The following DYNC1H1 variants were observed in gnomAD, a reference collection of about 807,000 sequenced individuals.
DYNC1H1 encodes the protein cytoplasmic dynein 1 heavy chain 1.
In DYNC1H1, 51 loss-of-function variants were observed where a neutral mutation model predicts 527.1. That is an observed-to-expected ratio of 0.10 (90% CI 0.08 to 0.12). The LOEUF (loss-of-function observed/expected upper bound fraction) is 0.12, where lower values mean the gene tolerates loss of function less well. DYNC1H1 is among the 10% of genes least tolerant of loss of function. DYNC1H1 has a pLI of 1.00. For missense variants in DYNC1H1, 2,771 were observed against 5,971.8 expected, an observed-to-expected ratio of 0.46 and a Z score of 17.66; for synonymous variants, 2,189 against 2,278.8, an observed-to-expected ratio of 0.96 and a Z score of 1.12.
intron 52 of DYNC1H1, 176 bp from the exon 53 acceptor site, chr14:102,032,889 T>G (rs2048526332): frequency 1.5e-6 from 1 of 670,672 alleles, no homozygotes; most frequent in Non-Finnish European, 2.6e-6. Context: ...GTTCAAGTGT[T>G]GAGCACATTT....
chr14:102,044,767 G>T lies in DYNC1H1; in HGVS notation c.13006+69G>T. On this transcript the variant is annotated intron_variant, in intron 72 of 77. Coordinates refer to ENST00000360184, the MANE Select transcript of DYNC1H1 (RefSeq NM_001376.5). The surrounding 1 kb of genome is among the most constrained non-coding windows in gnomAD (Gnocchi z 7.1). ...GGTCCCCTCACGCGGGGTGGGTGGC[G>T]AGGGTCCCCACACGCAGGGTGAGTG... 1.4e-6 allele frequency: 2 copies of T among 1,431,362 alleles called. No homozygotes were observed. Among genetic ancestry groups the T allele is most frequent in the Admixed American group, 3.5e-5 (2 of 56,446 alleles). The allele number at this position is 1,431,362 out of a possible 1,614,324, so 88.7% of individuals were successfully genotyped here.
chr14:102,029,171 C>T lies in DYNC1H1; in HGVS notation c.9469-368C>T. 3.1e-6 allele frequency: 1 copy of T among 318,214 alleles called. No individual in the cohort carries two copies. The highest frequency in any genetic ancestry group is 6.1e-6 in the Non-Finnish European group (1 of 164,854). 19.7% of individuals were successfully genotyped at this position (318,214 alleles called of 1,614,324 possible). ...TGCTTCAGAAATCAAGGGACCAGAG[C>T]AGTTTCTCACATCAGGCCTGCCTTG... is the stretch of plus-strand genomic sequence containing the variant. On this transcript the variant is annotated intron_variant, in intron 48 of 77. Transcript: ENST00000360184. This position sits in a 1 kb window ranked among gnomAD's most constrained non-coding sequence, Gnocchi z 5.3.
chr14:102,016,888 C>T lies in DYNC1H1; in HGVS notation c.7737C>T (p.Ala2579=), dbSNP rs140096332. The change falls in exon 38 of 78, where the codon GCC becomes GCT. Residue 2579 remains alanine (A), a synonymous_variant. Transcript: ENST00000360184. This position sits in a 1 kb window ranked among gnomAD's most constrained non-coding sequence, Gnocchi z 7.3. ...CGCTGGACACAGTCCGCCACGAAGC[C>T]CTCTTGTACACTTGGCTGGCCGAAC... ...VPTLDTVRHE[A]LLYTWLAEHK... 10 of 1,614,228 alleles carry T rather than the reference C, an allele frequency of 6.2e-6. No individual in the cohort carries two copies. The highest frequency in any genetic ancestry group is 8.5e-6 in the Non-Finnish European group (10 of 1,180,046).
rs1372812759 is a variant in DYNC1H1, at chr14:102,011,286, A to G, written c.6618+334A>G. The G allele has an allele frequency of 2.5e-6, 1 of 396,940 alleles. No individual in the cohort carries two copies. Among genetic ancestry groups the G allele is most frequent in the African/African-American group, 2.1e-5 (1 of 48,446 alleles). 24.6% of individuals were successfully genotyped at this position (396,940 alleles called of 1,614,324 possible). A position where few individuals can be genotyped will look rare whatever the true frequency, so the allele number is the denominator to read the frequency against. On this transcript the variant is annotated intron_variant, in intron 32 of 77. Coordinates refer to ENST00000360184, the MANE Select transcript of DYNC1H1 (RefSeq NM_001376.5). The surrounding 1 kb of genome is among the most constrained non-coding windows in gnomAD (Gnocchi z 5.3). ...AGATGAACAACCTGAATCGCTGATC[A>G]ATACGTAGTTTACATTCTGTATTGG... is the stretch of plus-strand genomic sequence containing the variant.
intron 28 of DYNC1H1, among the ~76,000 whole-genome samples, chr14:102,007,664 CA>C (rs1473756556): frequency 6.6e-6 from 1 of 152,082 alleles, no homozygotes; most frequent in African/African-American, 2.4e-5. Flanking sequence ...ATGTGCATTT[CA>C]AAAAGATGTG....
chr14:102,009,805 T>A, intron 29 of DYNC1H1, 38 bp from the exon 30 acceptor site: 1 of 1,613,118 alleles, frequency 6.2e-7, no homozygotes, highest in Non-Finnish European at 8.5e-7. Context: ...TTTTTTTTTT[T>A]AACATTTCTA....
rs2047935608 is a variant in DYNC1H1, at chr14:101,986,256, G to T, written c.2031G>T (p.Val677=). 1 of 1,614,034 alleles carries T rather than the reference G, an allele frequency of 6.2e-7. No individual in the cohort carries two copies. Among genetic ancestry groups the T allele is most frequent in the Non-Finnish European group, 8.5e-7 (1 of 1,179,954 alleles). Reference sequence around the variant, plus strand: ...TTGGCAAGGGCTGGGAGAATCACGTGGAGGGGCAGAAGCTGAAGCAGGATG... The same window carrying T: ...TTGGCAAGGGCTGGGAGAATCACGTTGAGGGGCAGAAGCTGAAGCAGGATG... ...DVLGKGWENH[V]EGQKLKQDGD... Residue 677 remains valine (V), a synonymous_variant, in exon 8 of 78, where the codon GTG becomes GTT. Transcript: ENST00000360184. This position sits in a 1 kb window ranked among gnomAD's most constrained non-coding sequence, Gnocchi z 8.7.
chr14:101,994,420 C>T, intron 12 of DYNC1H1, 96 bp downstream of exon 12: 3 of 1,562,034 alleles, frequency 1.9e-6, no homozygotes, highest in Non-Finnish European at 1.8e-6. Flanking sequence ...AAGGTCTTGA[C>T]TGTATGTATG....
rs772150327 is a variant in DYNC1H1, at chr14:102,048,539, G to T, written c.13242G>T (p.Glu4414Asp). ...NIKDPLFRFF[E>D]REVKMGAKLL... ...AGGATCCTTTGTTCAGGTTCTTTGA[G>T]AGAGAAGTGAAGATGGGCGCAAAGC... Residue 4414 changes from glutamate (E) to aspartate (D), a missense_variant, in exon 74 of 78, where the codon GAG (glutamate) becomes GAT (aspartate). Around this residue, in one of 32 missense-constraint regions of DYNC1H1, gnomAD observed 170 missense variants for 249.8 expected, o/e 0.68. Coordinates refer to ENST00000360184, the MANE Select transcript of DYNC1H1 (RefSeq NM_001376.5). 6.2e-7 allele frequency: 1 copy of T among 1,614,234 alleles called. No individual in the cohort carries two copies. Among genetic ancestry groups the T allele is most frequent in the Non-Finnish European group, 8.5e-7 (1 of 1,180,048 alleles).
intron 43 of DYNC1H1, among the ~76,000 whole-genome samples, chr14:102,026,010 G>A (rs1458679044): frequency 6.6e-6 from 1 of 151,766 alleles, no homozygotes; most frequent in Non-Finnish European, 1.5e-5. Context: ...AGCTACTTGG[G>A]AGGCTGAGGC....
chr14:101,993,677 C>T (rs2048024127), intron 11 of DYNC1H1, among the ~76,000 whole-genome samples: 1 of 152,210 alleles, frequency 6.6e-6, no homozygotes, highest in Non-Finnish European at 1.5e-5. Flanking sequence ...CTCCCCTTCT[C>T]AGCAAGGCCT....
In DYNC1H1 at chr14:102,041,175, G is replaced by T; in HGVS notation, c.11942-399G>T. The T allele has an allele frequency of 2.8e-6, 1 of 354,938 alleles. No individual in the cohort carries two copies. The highest frequency in any genetic ancestry group is 4.2e-5 in the Admixed American group (1 of 24,010). The allele number at this position is 354,938 out of a possible 1,614,324, so 22.0% of individuals were successfully genotyped here. ...CTGGCTGTATTCATGCTGCAGACAGGAATGGAATGCCATCAGCCGTTTTTG... is the reference window on the plus strand; with the variant it reads ...CTGGCTGTATTCATGCTGCAGACAGTAATGGAATGCCATCAGCCGTTTTTG... On this transcript the variant is annotated intron_variant, in intron 64 of 77. Transcript: ENST00000360184. The surrounding 1 kb of genome is among the most constrained non-coding windows in gnomAD (Gnocchi z 4.5).
At position 102,044,183 on chromosome 14, in the gene DYNC1H1, G is replaced by A. The variant is rs1311150569; in HGVS notation, c.12685-91G>A. 3.8e-6 allele frequency: 6 copies of A among 1,585,826 alleles called. No individual in the cohort carries two copies. The highest frequency in any genetic ancestry group is 5.1e-6 in the Non-Finnish European group (6 of 1,166,776). On this transcript the variant is annotated intron_variant, in intron 70 of 77. Coordinates refer to ENST00000360184, the MANE Select transcript of DYNC1H1 (RefSeq NM_001376.5). The surrounding 1 kb of genome is among the most constrained non-coding windows in gnomAD (Gnocchi z 7.1). Reference sequence around the variant, plus strand: ...ACCGCCAAAGCCTAGCTGGCCATGGGGAGTGAGGAGGAAAGCTGTGCCCCT... The same window carrying A: ...ACCGCCAAAGCCTAGCTGGCCATGGAGAGTGAGGAGGAAAGCTGTGCCCCT...
chr14:102,028,328 A>G lies in DYNC1H1; in HGVS notation c.9468+187A>G, dbSNP rs997066728. Reference sequence around the variant, plus strand: ...GGAGTTCAAGACCAGCCTGGGCAACATGGCGAGACCCCATCTCTACAAAAA... The same window carrying G: ...GGAGTTCAAGACCAGCCTGGGCAACGTGGCGAGACCCCATCTCTACAAAAA... On this transcript the variant is annotated intron_variant, in intron 48 of 77. Transcript: ENST00000360184. The G allele has an allele frequency of 6.4e-6, 4 of 626,218 alleles. No homozygotes were observed. The South Asian group carries it at 6.9e-5, about 11-fold the overall frequency. 38.8% of individuals were successfully genotyped at this position (626,218 alleles called of 1,614,324 possible).
chr14:102,056,287 T>G lies in DYNC1H1; in HGVS notation c.*5724T>G, dbSNP rs1174218077. ...ACCAGTGCATGAAACCCCTGTCACGTATCCCCCAGACTGCTCAATCAATCA... is the reference window on the plus strand; with the variant it reads ...ACCAGTGCATGAAACCCCTGTCACGGATCCCCCAGACTGCTCAATCAATCA... On this transcript the variant is annotated 3_prime_UTR_variant, in exon 78 of 78. Transcript: ENST00000360184. The G allele has an allele frequency of 2.6e-5, 4 of 152,258 alleles. No individual in the cohort carries two copies. The highest frequency in any genetic ancestry group is 2.6e-4 in the Admixed American group (4 of 15,282). 9.4% of individuals were successfully genotyped at this position (152,258 alleles called of 1,614,324 possible).
Position 102,004,909 on chromosome 14 carries a change from A to C in DYNC1H1, c.5197A>C (p.Ile1733Leu). ...TGAGATTTTTGGTAAAGCAACTTCAATTGACCCAAATACCTACATCACTTG... is the reference window on the plus strand; with the variant it reads ...TGAGATTTTTGGTAAAGCAACTTCACTTGACCCAAATACCTACATCACTTG... ...EVEIFGKATSIDPNTYITWID... is the reference protein window; with the variant it reads ...EVEIFGKATSLDPNTYITWID... The change falls in exon 25 of 78, where the codon ATT (isoleucine) becomes CTT (leucine). Residue 1733 changes from isoleucine (I) to leucine (L), a missense_variant. Physicochemically the swap from Ile to Leu is conservative, Grantham distance 5. This residue lies in a region of DYNC1H1 where 105 missense variants were observed against 138.1 expected (regional missense o/e 0.76). Coordinates refer to ENST00000360184, the MANE Select transcript of DYNC1H1 (RefSeq NM_001376.5). 6.2e-7 allele frequency: 1 copy of C among 1,614,248 alleles called. No homozygotes were observed. The highest frequency in any genetic ancestry group is 1.3e-5 in the African/African-American group (1 of 75,068).
In DYNC1H1 at chr14:101,986,253, C is replaced by G. The variant is rs758895614; in HGVS notation, c.2028C>G (p.His676Gln). 1.2e-6 allele frequency: 2 copies of G among 1,613,824 alleles called. No homozygotes were observed. The highest frequency in any genetic ancestry group is 1.3e-5 in the African/African-American group (1 of 74,866). The change falls in exon 8 of 78, where the codon CAC becomes CAG. Residue 676 changes from histidine to glutamine, a missense_variant. By Grantham distance (24) the His-to-Gln change is conservative. This residue lies in a region of DYNC1H1 where 264 missense variants were observed against 619.4 expected (regional missense o/e 0.43). Coordinates refer to ENST00000360184, the MANE Select transcript of DYNC1H1 (RefSeq NM_001376.5). The surrounding 1 kb of genome is among the most constrained non-coding windows in gnomAD (Gnocchi z 8.7). ...TCCTTGGCAAGGGCTGGGAGAATCA[C>G]GTGGAGGGGCAGAAGCTGAAGCAGG... ...EDVLGKGWENHVEGQKLKQDG... is the reference protein window; with the variant it reads ...EDVLGKGWENQVEGQKLKQDG...
rs200971499 is a variant in DYNC1H1 at position 102,050,149 on chromosome 14, C to T, written c.13763C>T (p.Thr4588Met). The T allele has an allele frequency of 1.5e-5, 24 of 1,612,726 alleles. No homozygotes were observed. Among genetic ancestry groups the T allele is most frequent in the East Asian group, 4.5e-5 (2 of 44,442 alleles). Reference protein sequence around the residue: ...SNAISTALPLTQLRWVKQTNT... With the variant: ...SNAISTALPLMQLRWVKQTNT... Reference sequence around the variant, plus strand: ...GCCATCTCAACCGCCCTTCCCCTGACGCAGCTGCGCTGGGTCAAGCAGACA... The same window carrying T: ...GCCATCTCAACCGCCCTTCCCCTGATGCAGCTGCGCTGGGTCAAGCAGACA... Residue 4588 changes from threonine (T) to methionine (M), a missense_variant, in exon 77 of 78, where the codon ACG becomes ATG. Transcript: ENST00000360184.
In DYNC1H1 at chr14:102,052,534, T is replaced by G. The variant is rs1458852262; in HGVS notation, c.*1971T>G. ...TGGACTGAGTCTGCTCACCTTGGAT[T>G]AGGCCACCTACTGCTTCTTCCTCTT... On this transcript the variant is annotated 3_prime_UTR_variant, in exon 78 of 78. Coordinates refer to ENST00000360184, the MANE Select transcript of DYNC1H1 (RefSeq NM_001376.5). The G allele has an allele frequency of 6.6e-6, 1 of 152,340 alleles. No individual in the cohort carries two copies. The highest frequency in any genetic ancestry group is 1.5e-5 in the Non-Finnish European group (1 of 68,106). 9.4% of individuals were successfully genotyped at this position (152,340 alleles called of 1,614,324 possible).
Sources: allele counts gnomAD v4.1 joint callset (sites outside exome capture counted in the v4.1 genomes callset), GRCh38; gene constraint gnomAD v4.1.1; regional missense constraint gnomAD v4.1.1; non-coding constraint Gnocchi (gnomAD v3.1); transcripts MANE v1.5; gene names NCBI Gene and HGNC (gene_info 2026-07-23, HGNC 2026-07-21).